TTC39B: variants seen among roughly 807,000 people sequenced by gnomAD.
The protein encoded by TTC39B is tetratricopeptide repeat protein 39B.
A neutral mutation model predicts 96.6 loss-of-function variants in TTC39B; 92 were observed. That is an observed-to-expected ratio of 0.95 (90% confidence interval 0.80 to 1.13). The LOEUF (loss-of-function observed/expected upper bound fraction) is 1.13, where lower values mean the gene tolerates loss of function less well. Among genes scored for constraint, TTC39B ranks in the 50% most tolerant of loss-of-function variants. TTC39B has a pLI of 0.00. For synonymous variants in TTC39B, 367 were observed against 299.4 expected (o/e 1.23, Z -2.33); for missense variants, 955 against 809.3 (o/e 1.18, Z -2.18).
chr9:15,263,710 G>C (rs781659351), intron 2 of TTC39B, among the ~76,000 whole-genome samples: 3 of 152,158 alleles, frequency 2.0e-5, no homozygotes, highest in Non-Finnish European at 4.4e-5. Flanking sequence ...CTGAATGGAG[G>C]CCTCTGCTAC....
chr9:15,297,858 T>C (rs147771099), intron 1 of TTC39B, among the ~76,000 whole-genome samples: 1 of 152,302 alleles, frequency 6.6e-6, no homozygotes, highest in Non-Finnish European at 1.5e-5. Flanking sequence ...TGAACGGCCC[T>C]TCTTACCTGT....
chr9:15,249,954 T>C (rs967688851), intron 2 of TTC39B: 1 of 1,287,824 alleles, frequency 7.8e-7, no homozygotes, highest in East Asian at 5.6e-5. Context: ...GGAATGAATA[T>C]AGTCCCACTA....
rs1400981515 is a variant in TTC39B, at chr9:15,189,992, C to T, written c.1106-200G>A. 2.0e-5 allele frequency among the ~76,000 whole-genome samples: 3 copies of T among 152,188 alleles called. No individual in the cohort carries two copies. The South Asian group carries it at 6.2e-4, about 32-fold the overall frequency. On this transcript the variant is annotated intron_variant, in intron 11 of 19. Coordinates refer to ENST00000512701, the Ensembl canonical transcript of TTC39B. ...TAGTTTAAGAAAGCTCTAGGACACACTAATTCTTAAGAATGCAGGTGGCTG... is the reference window on the plus strand; with the variant it reads ...TAGTTTAAGAAAGCTCTAGGACACATTAATTCTTAAGAATGCAGGTGGCTG...
intron 1 of TTC39B, among the ~76,000 whole-genome samples, chr9:15,270,338 A>G (rs1823297397): frequency 6.6e-6 from 1 of 152,162 alleles, no homozygotes; most frequent in South Asian, 2.1e-4. Context: ...CGTATTCTCC[A>G]GGAACCCAAA....
At chr9:15,234,294 T>C (rs1821642489) in intron 2 of TTC39B, among the ~76,000 whole-genome samples, 1 of 140,030 alleles carries the variant, frequency 7.1e-6, no homozygotes, top group African/African-American at 2.8e-5. Context: ...AGCCGCCCCA[T>C]CCGGGAGGGA....
intron 9 of TTC39B, among the ~76,000 whole-genome samples, 194 bp from the exon 10 acceptor site, chr9:15,191,449 C>T (rs941957699): frequency 1.1e-4 from 16 of 152,268 alleles, no homozygotes; most frequent in African/African-American, 3.8e-4. Flanking sequence ...AGACAAGGAA[C>T]CTTTAAAAAG....
In TTC39B at chr9:15,282,125, C is replaced by T. The variant is rs553016110; in HGVS notation, c.241-14177G>A. On this transcript the variant is annotated intron_variant, in intron 1 of 19. Coordinates refer to ENST00000512701, the Ensembl canonical transcript of TTC39B. ...AACCAATACTATCATAAGTAAAATG[C>T]TGACATTTTGGTTTCTAACAAGAAG... Among the ~76,000 whole-genome samples the T allele has an allele frequency of 4.6e-5, 7 of 152,256 alleles. No homozygotes were observed. The East Asian group carries it at 1.3e-3, about 29-fold the overall frequency.
At chr9:15,203,786 C>G in intron 7 of TTC39B, 37 bp downstream of exon 7, 9 of 1,575,896 alleles carry the variant, frequency 5.7e-6, no homozygotes, top group Non-Finnish European at 7.8e-6. Flanking sequence ...TGGCAGTCTT[C>G]CCAGCCAATA....
chr9:15,228,452 G>A (rs1429835954), intron 2 of TTC39B, among the ~76,000 whole-genome samples: 1 of 150,836 alleles, frequency 6.6e-6, no homozygotes, highest in East Asian at 1.9e-4. Flanking sequence ...TGACAAGAGT[G>A]ACACTCCATC....
At chr9:15,173,818 C>G (rs1817784445) in intron 19 of TTC39B, among the ~76,000 whole-genome samples, 1 of 152,076 alleles carries the variant, frequency 6.6e-6, no homozygotes, top group Non-Finnish European at 1.5e-5. Flanking sequence ...TGCCATCTAC[C>G]TAATATGAGT....
At chr9:15,172,351 T>C (rs1372745907) in intron 19 of TTC39B, among the ~76,000 whole-genome samples, 1 of 152,148 alleles carries the variant, frequency 6.6e-6, no homozygotes, top group Non-Finnish European at 1.5e-5. Context: ...AGCAAGGTTC[T>C]GCTTAATTAC....
At chr9:15,242,977 T>G (rs1044249145) in intron 2 of TTC39B, among the ~76,000 whole-genome samples, 1 of 152,132 alleles carries the variant, frequency 6.6e-6, no homozygotes, top group African/African-American at 2.4e-5. Flanking sequence ...CCAATGCCAG[T>G]GGAGAATGCC....
At chr9:15,246,807 C>A (rs573993984) in intron 2 of TTC39B, among the ~76,000 whole-genome samples, 2 of 152,372 alleles carry the variant, frequency 1.3e-5, no homozygotes, top group East Asian at 3.9e-4. Flanking sequence ...TCCTCCAGCT[C>A]CAGCTGAGCC....
intron 13 of TTC39B, among the ~76,000 whole-genome samples, 162 bp downstream of exon 13, chr9:15,189,412 T>TA (rs1470676893): frequency 5.2e-4 from 79 of 151,442 alleles, no homozygotes; most frequent in Non-Finnish European, 9.1e-4. Flanking sequence ...AGAATGTATA[T>TA]ACAAGTTAAA....
intron 3 of TTC39B, among the ~76,000 whole-genome samples, chr9:15,218,819 G>A (rs971707375): frequency 5.3e-5 from 8 of 151,896 alleles, no homozygotes; most frequent in African/African-American, 1.9e-4. Context: ...ACTCCCTTTT[G>A]CCTCAAGAGA....
chr9:15,222,631 G>C (rs143095762), intron 3 of TTC39B, among the ~76,000 whole-genome samples: 9 of 152,132 alleles, frequency 5.9e-5, no homozygotes, highest in African/African-American at 2.2e-4. Context: ...GTAATTCTGG[G>C]ATTTCCCAAT....
chr9:15,289,267 A>C (rs761069884), intron 1 of TTC39B, among the ~76,000 whole-genome samples: 72 of 152,218 alleles, frequency 4.7e-4, no homozygotes, highest in Non-Finnish European at 7.8e-4. Context: ...TTAATACCAA[A>C]ATGTTCAATA....
intron 1 of TTC39B, among the ~76,000 whole-genome samples, chr9:15,284,403 G>A (rs758469045): frequency 2.6e-5 from 4 of 152,164 alleles, no homozygotes; most frequent in East Asian, 1.9e-4. Context: ...AAATTTTCAT[G>A]TACCACGGTT....
chr9:15,250,434 C>A (rs1822483259), intron 2 of TTC39B, among the ~76,000 whole-genome samples: 1 of 151,964 alleles, frequency 6.6e-6, no homozygotes, highest in African/African-American at 2.4e-5. Context: ...AAGAATGATC[C>A]CTTTTGTCTT....
Sources: gnomAD v4.1 joint callset for allele counts (sites outside exome capture counted in the v4.1 genomes callset) on GRCh38, gnomAD v4.1.1 for gene constraint, MANE v1.5 for transcripts, NCBI Gene and HGNC (gene_info 2026-07-23, HGNC 2026-07-21) for gene names.